Variants in BRD10 observed in about 807,000 individuals in gnomAD.
The protein encoded by BRD10 is bromodomain containing 10.
the BRD10 span, chr9:5,923,185 A>G: frequency 6.2e-7 from 1 of 1,613,950 alleles, no homozygotes; most frequent in African/African-American, 1.3e-5. Context: ...CCACATAATC[A>G]GTTTGTTTGG....
chr9:5,906,883 A>T, the BRD10 span: 1 of 1,551,874 alleles, frequency 6.4e-7, no homozygotes, highest in Non-Finnish European at 8.7e-7. Flanking sequence ...TTTACATTTC[A>T]GGATAAAAGT....
At chr9:5,880,223 GT>G in the BRD10 span, among the ~76,000 whole-genome samples, 1 of 149,378 alleles carries the variant, frequency 6.7e-6, no homozygotes, top group African/African-American at 2.4e-5. Context: ...CCCACCAGAA[GT>G]TTCTTTAAAA....
the BRD10 span, among the ~76,000 whole-genome samples, chr9:5,879,786 A>T: frequency 6.6e-6 from 1 of 152,248 alleles, no homozygotes; most frequent in Non-Finnish European, 1.5e-5. Flanking sequence ...ATTTACCTGC[A>T]GAATGTCAGA....
chr9:6,007,610 T>C, the BRD10 span: 54 of 1,605,894 alleles, frequency 3.4e-5, no homozygotes, highest in Non-Finnish European at 4.5e-5. Context: ...ATCGCCTCCA[T>C]CTCTTCCTCC....
chr9:5,940,678 G>A, the BRD10 span, among the ~76,000 whole-genome samples: 2 of 152,154 alleles, frequency 1.3e-5, no homozygotes, highest in Non-Finnish European at 2.9e-5. Context: ...ACACCATTGT[G>A]TACATTACTT....
chr9:5,908,078 T>C, the BRD10 span, among the ~76,000 whole-genome samples: 1 of 152,204 alleles, frequency 6.6e-6, no homozygotes, highest in Non-Finnish European at 1.5e-5. Flanking sequence ...AATTACTGTG[T>C]TTGATTCTTA....
the BRD10 span, among the ~76,000 whole-genome samples, chr9:5,945,154 T>C: frequency 6.6e-6 from 1 of 152,106 alleles, no homozygotes; most frequent in Admixed American, 6.5e-5. Context: ...AGGCTTAGTA[T>C]AAAAGAAGCT....
chr9:5,904,924 C>T, the BRD10 span, among the ~76,000 whole-genome samples: 5 of 152,044 alleles, frequency 3.3e-5, no homozygotes, highest in Admixed American at 3.3e-4. Context: ...CAGGTGCCCG[C>T]TACCATGCCT....
At chr9:6,005,121 G>C in the BRD10 span, among the ~76,000 whole-genome samples, 1 of 152,198 alleles carries the variant, frequency 6.6e-6, no homozygotes, top group Admixed American at 6.5e-5. Flanking sequence ...GGGAATATAA[G>C]TATTCTGAGC....
chr9:5,918,125 G>A, the BRD10 span, among the ~76,000 whole-genome samples: 1 of 152,196 alleles, frequency 6.6e-6, no homozygotes, highest in Non-Finnish European at 1.5e-5. Flanking sequence ...AGTGACTTGA[G>A]TAGAGCATAA....
At chr9:5,929,376 A>T in the BRD10 span, among the ~76,000 whole-genome samples, 1 of 152,198 alleles carries the variant, frequency 6.6e-6, no homozygotes, top group African/African-American at 2.4e-5. Context: ...TGTTTCATCC[A>T]ACTGGAAGAT....
At chr9:5,984,998 A>G in the BRD10 span, among the ~76,000 whole-genome samples, 6 of 152,256 alleles carry the variant, frequency 3.9e-5, no homozygotes, top group African/African-American at 1.2e-4. Context: ...AAGACATGCT[A>G]TTTAATTTCA....
chr9:5,988,696 A>G, the BRD10 span, among the ~76,000 whole-genome samples: 1 of 152,000 alleles, frequency 6.6e-6, no homozygotes, highest in Non-Finnish European at 1.5e-5. Flanking sequence ...TATCCTCCCT[A>G]CACAATTTCT....
the BRD10 span, among the ~76,000 whole-genome samples, chr9:5,902,856 C>T: frequency 2.6e-5 from 4 of 151,874 alleles, no homozygotes; most frequent in Admixed American, 6.6e-5. Flanking sequence ...TTTATTTTTC[C>T]GCTTACTTTG....
the BRD10 span, chr9:6,008,179 G>C: frequency 2.1e-6 from 2 of 974,790 alleles, no homozygotes; most frequent in Non-Finnish European, 2.4e-6. Context: ...GGGCTGGGAG[G>C]GGGCGAGGAG....
the BRD10 span, chr9:5,969,361 T>C: frequency 6.2e-7 from 1 of 1,611,048 alleles, no homozygotes; most frequent in Middle Eastern, 1.7e-4. Context: ...CTGCTTGAGC[T>C]AGAAGTTTTC....
chr9:5,889,701 C>T, the BRD10 span, among the ~76,000 whole-genome samples: 1 of 152,036 alleles, frequency 6.6e-6, no homozygotes, highest in African/African-American at 2.4e-5. Flanking sequence ...AGGAGAATTG[C>T]TTGAACCTGG....
chr9:5,882,620 T>C, the BRD10 span, among the ~76,000 whole-genome samples: 1 of 152,306 alleles, frequency 6.6e-6, no homozygotes, highest in African/African-American at 2.4e-5. Context: ...AAGTCACCCA[T>C]GTTATTGATC....
At chr9:5,922,357 A>G in the BRD10 span, 3 of 1,613,942 alleles carry the variant, frequency 1.9e-6, no homozygotes, top group Non-Finnish European at 1.7e-6. Flanking sequence ...CTGAAACTGC[A>G]TTCTTGGCTT....
Sources: gnomAD v4.1 joint callset for allele counts (sites outside exome capture counted in the v4.1 genomes callset) on GRCh38, gnomAD v4.1.1 for gene constraint, MANE v1.5 for transcripts, NCBI Gene and HGNC (gene_info 2026-07-23, HGNC 2026-07-21) for gene names.